The following RRAGD variants were observed in gnomAD, a reference collection of about 807,000 sequenced individuals.
RRAGD encodes Ras related GTP binding D.
In RRAGD, 12 loss-of-function variants were observed where a neutral mutation model predicts 35.5. That is an observed-to-expected ratio of 0.34 (90% CI 0.22 to 0.55). The LOEUF (loss-of-function observed/expected upper bound fraction) is 0.55, where lower values mean the gene tolerates loss of function less well. Among genes scored for constraint, RRAGD ranks in the 20% least tolerant of loss-of-function variants. The pLI, the probability that RRAGD is intolerant of heterozygous loss-of-function variation, is 0.91. For missense variants in RRAGD, 324 were observed against 490.1 expected, an observed-to-expected ratio of 0.66 and a Z score of 3.20; for synonymous variants, 155 against 178.9, an observed-to-expected ratio of 0.87 and a Z score of 1.07.
intron 4 of RRAGD, 83 bp downstream of exon 4, chr6:89,379,140 CA>C (rs1769000191): frequency 1.5e-6 from 1 of 657,882 alleles, no homozygotes; most frequent in Non-Finnish European, 2.6e-6. Context: ...GCTATAGAAG[CA>C]ATCGGAAATA....
intron 1 of RRAGD, among the ~76,000 whole-genome samples, chr6:89,405,133 G>A (rs1339842438): frequency 1.3e-5 from 2 of 151,992 alleles, no homozygotes; most frequent in Admixed American, 6.6e-5. Flanking sequence ...GGCGGATCAC[G>A]AGGTCAGGAG....
rs1297328117 is a variant in RRAGD, at chr6:89,367,131, A to G, written c.*925T>C. The G allele has an allele frequency of 6.6e-6, 1 of 152,172 alleles. No individual in the cohort carries two copies. The highest frequency in any genetic ancestry group is 1.5e-5 in the Non-Finnish European group (1 of 68,036). 9.4% of individuals were successfully genotyped at this position (152,172 alleles called of 1,614,324 possible). Reference sequence around the variant, plus strand: ...CACAGGGCCAAAAGTCCAGAATTGTATCTATGTTTTTTAGTCTGCAGTTGC... The same window carrying G: ...CACAGGGCCAAAAGTCCAGAATTGTGTCTATGTTTTTTAGTCTGCAGTTGC... On this transcript the variant is annotated 3_prime_UTR_variant, in exon 7 of 7. Coordinates refer to ENST00000369415, the MANE Select transcript of RRAGD (RefSeq NM_021244.5).
intron 1 of RRAGD, among the ~76,000 whole-genome samples, chr6:89,393,633 G>A (rs1239534447): frequency 6.6e-6 from 1 of 152,200 alleles, no homozygotes; most frequent in African/African-American, 2.4e-5. Flanking sequence ...AGCACTATCA[G>A]AGGTGGATAC....
intron 5 of RRAGD, among the ~76,000 whole-genome samples, chr6:89,372,922 G>A (rs569836839): frequency 5.3e-5 from 8 of 152,336 alleles, no homozygotes; most frequent in South Asian, 4.1e-4. Context: ...TGTCAAAAGC[G>A]TGGTCTGATG....
intron 1 of RRAGD, among the ~76,000 whole-genome samples, chr6:89,399,481 C>T (rs1350658011): frequency 2.6e-5 from 4 of 152,148 alleles, no homozygotes; most frequent in Admixed American, 6.5e-5. Flanking sequence ...TATGGAAATA[C>T]GCTGTGCAGG....
intron 5 of RRAGD, among the ~76,000 whole-genome samples, chr6:89,374,810 C>T (rs1338575025): frequency 3.3e-5 from 5 of 151,498 alleles, no homozygotes; most frequent in Admixed American, 6.6e-5. Flanking sequence ...CCTACCAAAA[C>T]ATTAAAGAAA....
chr6:89,372,393 G>GATGCTTCTTTTA (rs755656914), intron 6 of RRAGD, 44 bp downstream of exon 6: 50 of 1,560,564 alleles, frequency 3.2e-5, no homozygotes, highest in Middle Eastern at 1.7e-4. Flanking sequence ...GTAGCAGTCT[G>GATGCTTCTTTTA]ATGCTTCTTT....
intron 1 of RRAGD, among the ~76,000 whole-genome samples, chr6:89,400,658 T>C (rs1020354084): frequency 1.3e-5 from 2 of 150,616 alleles, no homozygotes; most frequent in Non-Finnish European, 2.9e-5. Flanking sequence ...CACTCTACAA[T>C]AGGCATGGTA....
rs1344143787 is a variant in RRAGD at position 89,412,052 on chromosome 6, T to C, written c.-59A>G. 1 of 1,461,766 alleles carries C rather than the reference T, an allele frequency of 6.8e-7. No homozygotes were observed. Among genetic ancestry groups the C allele is most frequent in the South Asian group, 1.3e-5 (1 of 75,796 alleles). 90.5% of individuals were successfully genotyped at this position (1,461,766 alleles called of 1,614,324 possible). A position where few individuals can be genotyped will look rare whatever the true frequency, so the allele number is the denominator to read the frequency against. ...GGGGTCCCGGGGTGGGGGCCAAGCCTCCTAGCCGGCCGCCCGCAGCCTATT... is the reference window on the plus strand; with the variant it reads ...GGGGTCCCGGGGTGGGGGCCAAGCCCCCTAGCCGGCCGCCCGCAGCCTATT... On this transcript the variant is annotated 5_prime_UTR_variant, in exon 1 of 7. Coordinates refer to ENST00000369415, the MANE Select transcript of RRAGD (RefSeq NM_021244.5). The surrounding 1 kb of genome is among the most constrained non-coding windows in gnomAD (Gnocchi z 4.2).
At chr6:89,407,503 T>C (rs1225268080) in intron 1 of RRAGD, among the ~76,000 whole-genome samples, 1 of 152,102 alleles carries the variant, frequency 6.6e-6, no homozygotes, top group Non-Finnish European at 1.5e-5. Flanking sequence ...CTGGGCATTG[T>C]GGTGGGCACC....
rs117361356 is a variant in RRAGD, at chr6:89,408,328, G to C, written c.148+3518C>G. Among the ~76,000 whole-genome samples the C allele has an allele frequency of 5.2e-3, 799 of 152,256 alleles. 6 individuals are homozygous for C. The highest frequency in any genetic ancestry group is 7.3e-3 in the Non-Finnish European group (498 of 68,020). ...TCTCTACTTACTTCCAAGGAACAAT[G>C]AAAAGGTGAATTCCCTAATATTTTT... On this transcript the variant is annotated intron_variant, in intron 1 of 6. Coordinates refer to ENST00000369415, the MANE Select transcript of RRAGD (RefSeq NM_021244.5).
chr6:89,397,479 C>T (rs963445196), intron 1 of RRAGD, among the ~76,000 whole-genome samples: 4 of 152,088 alleles, frequency 2.6e-5, no homozygotes, highest in East Asian at 1.9e-4. Flanking sequence ...ACTGTAAACA[C>T]CTGTAGTCCA....
At chr6:89,377,583 G>T in intron 5 of RRAGD, 88 bp downstream of exon 5, 1 of 1,204,708 alleles carries the variant, frequency 8.3e-7, no homozygotes, top group Non-Finnish European at 1.1e-6. Flanking sequence ...AAATGTTAAA[G>T]TTAAGTAAGT....
chr6:89,412,017 G>T lies in RRAGD; in HGVS notation c.-24C>A. 2.6e-6 allele frequency: 4 copies of T among 1,519,064 alleles called. No homozygotes were observed. Among genetic ancestry groups the T allele is most frequent in the Non-Finnish European group, 3.5e-6 (4 of 1,138,278 alleles). The allele number at this position is 1,519,064 out of a possible 1,614,324, so 94.1% of individuals were successfully genotyped here. ...ATCGTGCCCACCGGCCGGCCGGCCC[G>T]GGGACGGCGGGGGTCCCGGGGTGGG... On this transcript the variant is annotated 5_prime_UTR_variant, in exon 1 of 7. Coordinates refer to ENST00000369415, the MANE Select transcript of RRAGD (RefSeq NM_021244.5). This position sits in a 1 kb window ranked among gnomAD's most constrained non-coding sequence, Gnocchi z 4.2.
intron 2 of RRAGD, 118 bp from the exon 3 acceptor site, chr6:89,380,485 CCCT>C: frequency 1.3e-6 from 1 of 766,380 alleles, no homozygotes; most frequent in South Asian, 1.9e-5. Flanking sequence ...GCAAAGGTTC[CCCT>C]CAACAAGCTG....
chr6:89,390,985 G>A (rs1769222459), intron 1 of RRAGD, among the ~76,000 whole-genome samples: 1 of 151,928 alleles, frequency 6.6e-6, no homozygotes, highest in Non-Finnish European at 1.5e-5. Context: ...ATATATCCAG[G>A]CAAAAACTTC....
rs1352456006 is a variant in RRAGD, at chr6:89,411,630, C to G, written c.148+216G>C. ...TTACTCCCTCCTTCCCCTTTTCCACCGATCCTGGTTGCCCCTCCGCCACCA... is the reference window on the plus strand; with the variant it reads ...TTACTCCCTCCTTCCCCTTTTCCACGGATCCTGGTTGCCCCTCCGCCACCA... On this transcript the variant is annotated intron_variant, in intron 1 of 6. Transcript: ENST00000369415. The surrounding 1 kb of genome is among the most constrained non-coding windows in gnomAD (Gnocchi z 5.6). The G allele has an allele frequency of 1.4e-5, 8 of 575,114 alleles. No homozygotes were observed. The highest frequency in any genetic ancestry group is 2.1e-5 in the Non-Finnish European group (7 of 328,676). 35.6% of individuals were successfully genotyped at this position (575,114 alleles called of 1,614,324 possible).
chr6:89,398,226 G>T (rs1555404), intron 1 of RRAGD, among the ~76,000 whole-genome samples: 1 of 152,020 alleles, frequency 6.6e-6, no homozygotes, highest in African/African-American at 2.4e-5. Context: ...ATGGGAAAAC[G>T]TTTGGAAGTG....
At chr6:89,382,558 G>A (rs1356357071) in intron 2 of RRAGD, among the ~76,000 whole-genome samples, 1 of 151,832 alleles carries the variant, frequency 6.6e-6, no homozygotes, top group Non-Finnish European at 1.5e-5. Context: ...CTAGGTAACA[G>A]AGTGAGAGCC....
Sources: allele counts gnomAD v4.1 joint callset (sites outside exome capture counted in the v4.1 genomes callset), GRCh38; gene constraint gnomAD v4.1.1; non-coding constraint Gnocchi (gnomAD v3.1); transcripts MANE v1.5; gene names NCBI Gene and HGNC (gene_info 2026-07-23, HGNC 2026-07-21).